Variants in ABCB5 observed in about 807,000 individuals in gnomAD.
ABCB5 encodes ATP-binding cassette sub-family B member 5.
In ABCB5, 155 loss-of-function variants were observed where a neutral mutation model predicts 144.2. The observed-to-expected ratio is 1.08, with a 90% confidence interval of 0.94 to 1.23. The LOEUF (loss-of-function observed/expected upper bound fraction) is 1.23, where lower values mean the gene tolerates loss of function less well. Ranked by LOEUF, ABCB5 falls within the 50% of genes most tolerant of loss-of-function variation. The pLI is 0.00. For missense variants in ABCB5, 1,830 were observed against 1,520.8 expected, an observed-to-expected ratio of 1.20 and a Z score of -3.38; for synonymous variants, 610 against 528.6, an observed-to-expected ratio of 1.15 and a Z score of -2.11.
intron 16 of ABCB5, among the ~76,000 whole-genome samples, chr7:20,693,658 A>C (rs542697113): frequency 6.6e-6 from 1 of 152,216 alleles, no homozygotes; most frequent in Non-Finnish European, 1.5e-5. Flanking sequence ...ATCTCAAATT[A>C]ATATACTAAG....
intron 21 of ABCB5, among the ~76,000 whole-genome samples, chr7:20,725,710 T>C (rs1401283633): frequency 1.3e-5 from 2 of 152,218 alleles, no homozygotes; most frequent in Admixed American, 6.5e-5. Flanking sequence ...CATTCCTTTT[T>C]TTATCTTCAT....
chr7:20,694,788 C>G (rs952078713), intron 16 of ABCB5, among the ~76,000 whole-genome samples: 1 of 151,824 alleles, frequency 6.6e-6, no homozygotes, highest in Admixed American at 6.6e-5. Flanking sequence ...AATCCCAATT[C>G]TATATACTAC....
At chr7:20,690,066 G>C (rs1301158514) in intron 16 of ABCB5, among the ~76,000 whole-genome samples, 3 of 152,110 alleles carry the variant, frequency 2.0e-5, no homozygotes, top group African/African-American at 7.2e-5. Flanking sequence ...TTTAAACAGT[G>C]GTTCATGACC....
chr7:20,665,332 G>C (rs1055997220), intron 14 of ABCB5, among the ~76,000 whole-genome samples: 1 of 152,028 alleles, frequency 6.6e-6, no homozygotes, highest in Admixed American at 6.6e-5. Flanking sequence ...AAGCATTCTC[G>C]GACCAGTGAC....
chr7:20,677,750 G>A (rs1055785339), intron 14 of ABCB5, among the ~76,000 whole-genome samples: 1 of 152,070 alleles, frequency 6.6e-6, no homozygotes, highest in African/African-American at 2.4e-5. Context: ...AATTAATTTA[G>A]TTTATAAAAG....
At chr7:20,649,972 A>C in intron 11 of ABCB5, 50 bp from the exon 12 acceptor site, 1 of 1,557,454 alleles carries the variant, frequency 6.4e-7, no homozygotes, top group Non-Finnish European at 8.7e-7. Context: ...AAATGTGTCC[A>C]TCATCTTCTT....
intron 27 of ABCB5, among the ~76,000 whole-genome samples, chr7:20,754,196 A>G (rs1283525417): frequency 6.6e-6 from 1 of 152,216 alleles, no homozygotes; most frequent in East Asian, 1.9e-4. Flanking sequence ...CATTTTACAG[A>G]TTGGCACACT....
At chr7:20,648,565 C>T (rs193032781) in intron 11 of ABCB5, among the ~76,000 whole-genome samples, 57 of 152,264 alleles carry the variant, frequency 3.7e-4, no homozygotes, top group African/African-American at 1.4e-3. Flanking sequence ...ATCATTCAGT[C>T]TTTGACAAGT....
chr7:20,711,801 T>TC lies in ABCB5; in HGVS notation c.2421+6994_2421+6995insC, dbSNP rs1787056979. Reference sequence around the variant, plus strand: ...TTCTCTTTCTTTCTTTCTTTCTTTCTTTCTTTCTTTCTTTCTTTCTTTCTT... The same window carrying TC: ...TTCTCTTTCTTTCTTTCTTTCTTTCTCTTCTTTCTTTCTTTCTTTCTTTCTT... On this transcript the variant is annotated intron_variant, in intron 20 of 27. Coordinates refer to ENST00000404938, the MANE Select transcript of ABCB5 (RefSeq NM_001163941.2). Among the ~76,000 whole-genome samples the TC allele has an allele frequency of 4.6e-5, 2 of 43,500 alleles. 1 individual carries two copies. Among genetic ancestry groups the TC allele is most frequent in the African/African-American group, 4.3e-4 (2 of 4,602 alleles). 28.5% of individuals were successfully genotyped at this position (43,500 alleles called of 152,430 possible).
intron 23 of ABCB5, 129 bp from the exon 24 acceptor site, chr7:20,738,854 T>G (rs1782470172): frequency 2.0e-6 from 2 of 1,006,664 alleles, no homozygotes; most frequent in Admixed American, 3.7e-5. Flanking sequence ...TGGTGGGTCT[T>G]CAGCGTTAGG....
At chr7:20,690,573 G>A (rs1786184224) in intron 16 of ABCB5, among the ~76,000 whole-genome samples, 2 of 152,182 alleles carry the variant, frequency 1.3e-5, no homozygotes, top group Non-Finnish European at 2.9e-5. Context: ...ACTCCATGTG[G>A]CTACAGTTTG....
chr7:20,717,251 C>T (rs1006775603), intron 20 of ABCB5, among the ~76,000 whole-genome samples: 13 of 152,058 alleles, frequency 8.5e-5, no homozygotes, highest in African/African-American at 3.1e-4. Flanking sequence ...AACAAAGGAC[C>T]ACAGACTAGG....
At chr7:20,617,055 T>C (rs1368158288) in intron 1 of ABCB5, among the ~76,000 whole-genome samples, 2 of 152,224 alleles carry the variant, frequency 1.3e-5, no homozygotes, top group African/African-American at 2.4e-5. Flanking sequence ...TTACTCTTCA[T>C]AAAATTACCC....
rs546374511 is a variant in ABCB5 at position 20,676,487 on chromosome 7, C to T, written c.1708-5018C>T. Among the ~76,000 whole-genome samples the T allele has an allele frequency of 2.0e-5, 3 of 152,146 alleles. No individual in the cohort carries two copies. In the South Asian group the frequency reaches 6.2e-4, roughly 32 times the overall value. On this transcript the variant is annotated intron_variant, in intron 14 of 27. Coordinates refer to ENST00000404938, the MANE Select transcript of ABCB5 (RefSeq NM_001163941.2). The stretch of plus-strand genomic sequence containing the variant: ...TGACATTATGCTAAGTGAAATAAGC[C>T]AGTCGCAGAAGGACAAATACTGCAT...
intron 9 of ABCB5, among the ~76,000 whole-genome samples, chr7:20,646,765 T>G (rs1784421668): frequency 6.6e-6 from 1 of 152,254 alleles, no homozygotes; most frequent in African/African-American, 2.4e-5. Flanking sequence ...CTTTATACTT[T>G]GATCCTTGTT....
At chr7:20,696,334 A>G (rs1358576024) in intron 16 of ABCB5, among the ~76,000 whole-genome samples, 1 of 152,118 alleles carries the variant, frequency 6.6e-6, no homozygotes, top group Admixed American at 6.5e-5. Context: ...ATAATGTATG[A>G]TTTCATTTAT....
Position 20,635,998 on chromosome 7 carries a change from C to A in ABCB5, c.314+3885C>A, listed in dbSNP as rs567937857. Among the ~76,000 whole-genome samples the A allele has an allele frequency of 3.2e-3, 490 of 152,218 alleles. 4 individuals carry two copies. Among genetic ancestry groups the A allele is most frequent in the Non-Finnish European group, 5.0e-3 (339 of 68,004 alleles). ...ACATGTCAAGCATTAATAATTATATCTGGCTGGCTGCCATACAGTACAGCA... is the reference window on the plus strand; with the variant it reads ...ACATGTCAAGCATTAATAATTATATATGGCTGGCTGCCATACAGTACAGCA... On this transcript the variant is annotated intron_variant, in intron 5 of 27. Transcript: ENST00000404938.
chr7:20,722,945 G>T, intron 20 of ABCB5, 71 bp from the exon 21 acceptor site: 1 of 1,374,122 alleles, frequency 7.3e-7, no homozygotes. Flanking sequence ...GTTTTGCAAG[G>T]AACTATAATA....
chr7:20,748,829 T>C (rs1193853497), intron 26 of ABCB5, among the ~76,000 whole-genome samples: 2 of 152,128 alleles, frequency 1.3e-5, no homozygotes, highest in East Asian at 1.9e-4. Flanking sequence ...TATACCCATA[T>C]GTAAAACAGG....
Sources: allele counts gnomAD v4.1 joint callset (sites outside exome capture counted in the v4.1 genomes callset), GRCh38; gene constraint gnomAD v4.1.1; transcripts MANE v1.5; gene names NCBI Gene and HGNC (gene_info 2026-07-23, HGNC 2026-07-21).